The following KCNQ1 variants were observed in gnomAD, a reference collection of about 807,000 sequenced individuals.
The protein encoded by KCNQ1 is potassium voltage-gated channel subfamily Q member 1.
KCNQ1 carries 49 observed loss-of-function variants against 72.4 expected under a neutral mutation model. The observed-to-expected ratio is 0.68, with a 90% CI of 0.54 to 0.86. The LOEUF is 0.86. KCNQ1 is among the 40% of genes least tolerant of loss of function. The pLI is 0.00. For synonymous variants in KCNQ1, 450 were observed against 412.6 expected (o/e 1.09, Z -1.10); for missense variants, 790 against 945.1 (o/e 0.84, Z 2.15).
intron 11 of KCNQ1, among the ~76,000 whole-genome samples, chr11:2,736,297 C>T (rs1257655442): frequency 1.3e-5 from 2 of 152,204 alleles, no homozygotes; most frequent in East Asian, 3.9e-4. Flanking sequence ...TTAAAGGCGA[C>T]CGAGCTTGGG....
intron 11 of KCNQ1, among the ~76,000 whole-genome samples, chr11:2,700,467 G>A (rs1234453975): frequency 6.6e-6 from 1 of 152,148 alleles, no homozygotes; most frequent in Non-Finnish European, 1.5e-5. Flanking sequence ...GGCCACGCCC[G>A]AGACCAGCCC....
chr11:2,685,796 C>T (rs533726983), intron 11 of KCNQ1: 2 of 398,568 alleles, frequency 5.0e-6, no homozygotes, highest in Admixed American at 4.4e-5. Flanking sequence ...GCACAGTCAG[C>T]GTTCCTGAGA....
In KCNQ1 at chr11:2,468,954, G is replaced by C. The variant is rs1846397879; in HGVS notation, c.386+23470G>C. ...TGGGAAGTGGAACGGCTGTGTCATG[G>C]GGTGGGTGAGGGCTTCACTTTCTAG... On this transcript the variant is annotated intron_variant, in intron 1 of 15. Transcript: ENST00000155840. The surrounding 1 kb of genome is among the most constrained non-coding windows in gnomAD (Gnocchi z 5.7). Among the ~76,000 whole-genome samples, 1 of 152,200 alleles carries C rather than the reference G, an allele frequency of 6.6e-6. No homozygotes were observed. Among genetic ancestry groups the C allele is most frequent in the Non-Finnish European group, 1.5e-5 (1 of 68,036 alleles).
chr11:2,588,147 T>C lies in KCNQ1; in HGVS notation c.1251+455T>C, dbSNP rs2133759394. ...CAGGGCAGTGGAGTTTGGCAGGCGC[T>C]GGGCAGAAGTCTTGTGACATGGCTG... On this transcript the variant is annotated intron_variant, in intron 9 of 15. Coordinates refer to ENST00000155840, the MANE Select transcript of KCNQ1 (RefSeq NM_000218.3). The surrounding 1 kb of genome is among the most constrained non-coding windows in gnomAD (Gnocchi z 5.6). Among the ~76,000 whole-genome samples, 1 of 152,056 alleles carries C rather than the reference T, an allele frequency of 6.6e-6. No individual in the cohort carries two copies. Among genetic ancestry groups the C allele is most frequent in the East Asian group, 1.9e-4 (1 of 5,164 alleles).
rs1850589369 is a variant in KCNQ1, at chr11:2,691,626, G to A, written c.1514+29545G>A. 7.5e-6 allele frequency: 3 copies of A among 398,556 alleles called. No individual in the cohort carries two copies. Among genetic ancestry groups the A allele is most frequent in the Non-Finnish European group, 1.3e-5 (3 of 226,056 alleles). The allele number at this position is 398,556 out of a possible 1,614,324, so 24.7% of individuals were successfully genotyped here. A position where few individuals can be genotyped will look rare whatever the true frequency, so the allele number is the denominator to read the frequency against. On this transcript the variant is annotated intron_variant, in intron 11 of 15. Coordinates refer to ENST00000155840, the MANE Select transcript of KCNQ1 (RefSeq NM_000218.3). The surrounding 1 kb of genome is among the most constrained non-coding windows in gnomAD (Gnocchi z 6.4). The stretch of plus-strand genomic sequence containing the variant: ...CTAGCTTGTTCCCTGCACGTACTGT[G>A]GGGAGGTCCTCTTTACCGCCACAGT...
chr11:2,750,268 C>A lies in KCNQ1; in HGVS notation c.1515-18576C>A, dbSNP rs149881492. ...CGGAGGCTGAAACAGGACGACAGAG[C>A]CCTCAGCCCAGGGCGGAGGACATGG... On this transcript the variant is annotated intron_variant, in intron 11 of 15. Coordinates refer to ENST00000155840, the MANE Select transcript of KCNQ1 (RefSeq NM_000218.3). The surrounding 1 kb of genome is among the most constrained non-coding windows in gnomAD (Gnocchi z 6.3). Among the ~76,000 whole-genome samples, 2 of 152,200 alleles carry A rather than the reference C, an allele frequency of 1.3e-5. No homozygotes were observed. The highest frequency in any genetic ancestry group is 2.9e-5 in the Non-Finnish European group (2 of 68,030).
Position 2,585,101 on chromosome 11 carries a change from C to A in KCNQ1, c.1033-111C>A. The A allele has an allele frequency of 3.1e-6, 3 of 953,546 alleles. No individual in the cohort carries two copies. In the Admixed American group the frequency reaches 5.1e-5, roughly 16 times the overall value. The allele number at this position is 953,546 out of a possible 1,614,324, so 59.1% of individuals were successfully genotyped here. ...AGGTGGGACTTGGGGGGGCTTCCAG[C>A]ACTGACCATACCTGGCCTTCCCACA... On this transcript the variant is annotated intron_variant, in intron 7 of 15. Coordinates refer to ENST00000155840, the MANE Select transcript of KCNQ1 (RefSeq NM_000218.3).
intron 11 of KCNQ1, among the ~76,000 whole-genome samples, chr11:2,753,247 C>T (rs1846253539): frequency 6.6e-6 from 1 of 152,164 alleles, no homozygotes; most frequent in Non-Finnish European, 1.5e-5. Context: ...CAGTCTGTCC[C>T]TCGGAAAGCC....
chr11:2,662,098 G>A lies in KCNQ1; in HGVS notation c.1514+17G>A, dbSNP rs199795287. On this transcript the variant is annotated intron_variant, in intron 11 of 15. Transcript: ENST00000155840. Reference sequence around the variant, plus strand: ...CATCTCACAGTGAGTGCCTACATGTGCGTGAAGGGCTGGGCTGGAGGGGAC... The same window carrying A: ...CATCTCACAGTGAGTGCCTACATGTACGTGAAGGGCTGGGCTGGAGGGGAC... 1 of 1,614,144 alleles carries A rather than the reference G, an allele frequency of 6.2e-7. No homozygotes were observed. Among genetic ancestry groups the A allele is most frequent in the South Asian group, 1.1e-5 (1 of 91,088 alleles).
rs567125041 is a variant in KCNQ1, at chr11:2,830,662, C to A, written c.1795-17105C>A. ...ACCTCCTTCCTGGGTGGAGACCTTC[C>A]CACCCTTCCACTCACCTTCCGAGCA... is the stretch of plus-strand genomic sequence containing the variant. On this transcript the variant is annotated intron_variant, in intron 15 of 15. Coordinates refer to ENST00000155840, the MANE Select transcript of KCNQ1 (RefSeq NM_000218.3). The surrounding 1 kb of genome is among the most constrained non-coding windows in gnomAD (Gnocchi z 7.7). 2.4e-4 allele frequency among the ~76,000 whole-genome samples: 37 copies of A among 152,198 alleles called. No homozygotes were observed. The highest frequency in any genetic ancestry group is 8.4e-4 in the African/African-American group (35 of 41,542).
In KCNQ1 at chr11:2,690,402, C is replaced by G. The variant is rs1850569050; in HGVS notation, c.1514+28321C>G. 1 of 398,708 alleles carries G rather than the reference C, an allele frequency of 2.5e-6. No individual in the cohort carries two copies. Among genetic ancestry groups the G allele is most frequent in the Non-Finnish European group, 4.4e-6 (1 of 226,130 alleles). The allele number at this position is 398,708 out of a possible 1,614,324, so 24.7% of individuals were successfully genotyped here. A position where few individuals can be genotyped will look rare whatever the true frequency, so the allele number is the denominator to read the frequency against. On this transcript the variant is annotated intron_variant, in intron 11 of 15. Transcript: ENST00000155840. The surrounding 1 kb of genome is among the most constrained non-coding windows in gnomAD (Gnocchi z 5.1). ...ATGTGCCAGACCAAAAGAGCTATCTCTCTCCCTGCGAAAGGCTGGGGTCCT... is the reference window on the plus strand; with the variant it reads ...ATGTGCCAGACCAAAAGAGCTATCTGTCTCCCTGCGAAAGGCTGGGGTCCT...
At chr11:2,646,328 A>G (rs562928005) in intron 10 of KCNQ1, 7 of 398,378 alleles carry the variant, frequency 1.8e-5, no homozygotes, top group African/African-American at 1.4e-4. Flanking sequence ...TTTTCTTTCA[A>G]TCCATGAGCA....
intron 10 of KCNQ1, chr11:2,660,295 C>T (rs535783717): frequency 2.5e-6 from 1 of 398,296 alleles, no homozygotes; most frequent in Non-Finnish European, 4.4e-6. Flanking sequence ...AACTTTTACA[C>T]ACATACATAT....
At chr11:2,699,961 G>C (rs1439528985) in intron 11 of KCNQ1, 1 of 398,224 alleles carries the variant, frequency 2.5e-6, no homozygotes, top group Non-Finnish European at 4.4e-6. Context: ...GAGCTCCCTG[G>C]AGGTCCGTGC....
rs374625871 is a variant in KCNQ1 at position 2,816,116 on chromosome 11, A to G, written c.1795-31651A>G. 4.3e-4 allele frequency among the ~76,000 whole-genome samples: 65 copies of G among 152,316 alleles called. No homozygotes were observed. Among genetic ancestry groups the G allele is most frequent in the African/African-American group, 1.5e-3 (62 of 41,566 alleles). On this transcript the variant is annotated intron_variant, in intron 15 of 15. Transcript: ENST00000155840. The surrounding 1 kb of genome is among the most constrained non-coding windows in gnomAD (Gnocchi z 6.8). ...AGGAAGAGGACAGTAGCCAGGGGCAAGACCTCACACGCCTCTGCCCATCCT... is the reference window on the plus strand; with the variant it reads ...AGGAAGAGGACAGTAGCCAGGGGCAGGACCTCACACGCCTCTGCCCATCCT...
chr11:2,743,847 G>C lies in KCNQ1; in HGVS notation c.1515-24997G>C, dbSNP rs538680649. 5.9e-5 allele frequency among the ~76,000 whole-genome samples: 9 copies of C among 152,354 alleles called. No individual in the cohort carries two copies. In the South Asian group the frequency reaches 1.9e-3, roughly 32 times the overall value. On this transcript the variant is annotated intron_variant, in intron 11 of 15. Transcript: ENST00000155840. ...CTCAGAAAGGAATCTCACAGGCAGC[G>C]GGTTCTTCTGGTAGGGTGGGATATT...
intron 1 of KCNQ1, among the ~76,000 whole-genome samples, chr11:2,513,397 G>A (rs1264582630): frequency 6.6e-6 from 1 of 152,186 alleles, no homozygotes; most frequent in African/African-American, 2.4e-5. Flanking sequence ...GTGGATCAAA[G>A]GGGAGTGTCT....
chr11:2,572,815 G>A (rs754435746), intron 5 of KCNQ1, 31 bp from the exon 6 acceptor site: 16 of 1,613,186 alleles, frequency 9.9e-6, no homozygotes, highest in East Asian at 2.2e-5. Context: ...TGCGGTTCCT[G>A]GAGCCCGACA....
chr11:2,566,634 C>T lies in KCNQ1; in HGVS notation c.478-3994C>T, dbSNP rs1474528989. Among the ~76,000 whole-genome samples the T allele has an allele frequency of 7.2e-5, 11 of 152,056 alleles. No individual in the cohort carries two copies. The highest frequency in any genetic ancestry group is 7.2e-4 in the Admixed American group (11 of 15,270). On this transcript the variant is annotated intron_variant, in intron 2 of 15. Coordinates refer to ENST00000155840, the MANE Select transcript of KCNQ1 (RefSeq NM_000218.3). The surrounding 1 kb of genome is among the most constrained non-coding windows in gnomAD (Gnocchi z 6.7). ...AGGAGAGTGACCAGGGTAGGAGGGG[C>T]CTCCTTGTCCCTTTGGTCTGTTTGT...
Sources: allele counts gnomAD v4.1 joint callset (sites outside exome capture counted in the v4.1 genomes callset), GRCh38; gene constraint gnomAD v4.1.1; non-coding constraint Gnocchi (gnomAD v3.1); transcripts MANE v1.5; gene names NCBI Gene and HGNC (gene_info 2026-07-23, HGNC 2026-07-21).